The following TYW1 variants were observed in gnomAD, a reference collection of about 807,000 sequenced individuals.
The protein encoded by TYW1 is S-adenosyl-L-methionine-dependent tRNA 4-demethylwyosine synthase TYW1.
In TYW1, 46 loss-of-function variants were observed where a neutral mutation model predicts 96.2. That is an observed-to-expected ratio of 0.48 (90% CI 0.38 to 0.61). The LOEUF is 0.61. Among genes scored for constraint, TYW1 ranks in the 20% least tolerant of loss-of-function variants. The pLI is 0.00. For missense variants in TYW1, 684 were observed against 909.6 expected (o/e 0.75, Z 3.19); for synonymous variants, 274 against 323.0 (o/e 0.85, Z 1.63).
In TYW1 at chr7:67,185,436, C is replaced by T. The variant is rs2090946; in HGVS notation, c.1809+2200C>T. On this transcript the variant is annotated intron_variant, in intron 14 of 15. Transcript: ENST00000359626. ...GTCAGTGGGACTAGGGCCGGAGAGC[C>T]GTGGGTACATTTAGGATTCCTTTTG... 1.5e-4 allele frequency among the ~76,000 whole-genome samples: 22 copies of T among 151,278 alleles called. No individual in the cohort carries two copies. The East Asian group carries it at 3.5e-3, about 24-fold the overall frequency.
At chr7:67,085,927 A>T (rs1281496102) in intron 11 of TYW1, among the ~76,000 whole-genome samples, 3 of 151,286 alleles carry the variant, frequency 2.0e-5, no homozygotes, top group Non-Finnish European at 1.5e-5. Context: ...CTGAGTTCAC[A>T]CTCCACTGGA....
chr7:67,063,633 TCG>T (rs1795764477), intron 9 of TYW1, among the ~76,000 whole-genome samples: 1 of 151,766 alleles, frequency 6.6e-6, no homozygotes, highest in Admixed American at 6.6e-5. Flanking sequence ...AGGCGGAGTC[TCG>T]CTCTGTCACC....
Position 67,058,180 on chromosome 7 carries a change from C to T in TYW1, c.1155+2293C>T, listed in dbSNP as rs545097185. 5.9e-5 allele frequency among the ~76,000 whole-genome samples: 9 copies of T among 152,320 alleles called. No individual in the cohort carries two copies. The East Asian group carries it at 1.7e-3, about 29-fold the overall frequency. On this transcript the variant is annotated intron_variant, in intron 9 of 15. Coordinates refer to ENST00000359626, the MANE Select transcript of TYW1 (RefSeq NM_018264.4). ...CAATCTCCTGACCTCGTGATCTACC[C>T]GCCTTGGCCTCCCAAAGTGCTGAGG...
chr7:67,151,598 A>C (rs1798801376), intron 13 of TYW1, among the ~76,000 whole-genome samples: 1 of 152,180 alleles, frequency 6.6e-6, no homozygotes, highest in South Asian at 2.1e-4. Context: ...ATCTACAAGC[A>C]GTAGCAGGAT....
At chr7:67,101,699 T>C (rs1175758236) in intron 12 of TYW1, among the ~76,000 whole-genome samples, 2 of 152,042 alleles carry the variant, frequency 1.3e-5, no homozygotes, top group African/African-American at 2.4e-5. Flanking sequence ...GGTTTCACCA[T>C]GTTGGTCAGG....
chr7:67,196,097 T>G (rs923333463), intron 15 of TYW1, among the ~76,000 whole-genome samples: 16 of 152,092 alleles, frequency 1.1e-4, no homozygotes, highest in African/African-American at 3.6e-4. Flanking sequence ...TGTCTCTCCA[T>G]CTCTCCATAT....
chr7:67,001,378 C>T (rs1793382318), intron 3 of TYW1, among the ~76,000 whole-genome samples: 1 of 151,238 alleles, frequency 6.6e-6, no homozygotes, highest in Non-Finnish European at 1.5e-5. Flanking sequence ...TAAAGCTGCG[C>T]CATCTGAATT....
chr7:67,019,830 A>T (rs1242613698), intron 6 of TYW1, among the ~76,000 whole-genome samples: 1 of 152,284 alleles, frequency 6.6e-6, no homozygotes, highest in Non-Finnish European at 1.5e-5. Context: ...AATATTGATT[A>T]GTGATTAGCT....
At chr7:67,153,310 G>A (rs1798859978) in intron 13 of TYW1, among the ~76,000 whole-genome samples, 1 of 152,162 alleles carries the variant, frequency 6.6e-6, no homozygotes, top group African/African-American at 2.4e-5. Flanking sequence ...ACACAAATTA[G>A]CTGGGTGTTG....
intron 11 of TYW1, among the ~76,000 whole-genome samples, chr7:67,090,460 C>T (rs1351442017): frequency 6.6e-6 from 1 of 152,138 alleles, no homozygotes; most frequent in Non-Finnish European, 1.5e-5. Context: ...ATTTTCGGAT[C>T]TTAAGTTCTG....
chr7:67,000,195 T>A (rs1415641982), intron 3 of TYW1, among the ~76,000 whole-genome samples: 5 of 152,122 alleles, frequency 3.3e-5, no homozygotes, highest in African/African-American at 9.7e-5. Flanking sequence ...CTCGGCCTCC[T>A]AAAGTGTTGG....
At chr7:67,150,456 TACA>T (rs1377189346) in intron 13 of TYW1, among the ~76,000 whole-genome samples, 1 of 152,238 alleles carries the variant, frequency 6.6e-6, no homozygotes, top group Non-Finnish European at 1.5e-5. Flanking sequence ...GATTATATCC[TACA>T]ACATCTGTGT....
intron 10 of TYW1, among the ~76,000 whole-genome samples, chr7:67,076,324 TA>T (rs1263022414): frequency 6.6e-6 from 1 of 152,136 alleles, no homozygotes; most frequent in Non-Finnish European, 1.5e-5. Context: ...CTGCAGAAAG[TA>T]AAAAAATGGC....
intron 13 of TYW1, among the ~76,000 whole-genome samples, chr7:67,143,541 C>T (rs561316280): frequency 5.3e-5 from 8 of 152,208 alleles, no homozygotes; most frequent in Non-Finnish European, 1.2e-4. Context: ...AAAGAGCCTT[C>T]CTGTTTGCGG....
chr7:66,998,448 A>G (rs1202383174), intron 2 of TYW1, among the ~76,000 whole-genome samples: 1 of 152,230 alleles, frequency 6.6e-6, no homozygotes, highest in African/African-American at 2.4e-5. Flanking sequence ...TGAACCTTTT[A>G]TATGAAAAAC....
intron 13 of TYW1, among the ~76,000 whole-genome samples, chr7:67,147,499 C>T (rs548149995): frequency 3.0e-4 from 46 of 151,970 alleles, no homozygotes; most frequent in Non-Finnish European, 5.4e-4. Context: ...CATGGGAGTT[C>T]GTTGTACAGA....
chr7:67,175,916 T>C (rs1799658881), intron 13 of TYW1, among the ~76,000 whole-genome samples: 1 of 152,186 alleles, frequency 6.6e-6, no homozygotes, highest in Non-Finnish European at 1.5e-5. Context: ...TTCTGGCTAG[T>C]GCTAAAAGAC....
At chr7:67,158,643 C>T (rs1243373755) in intron 13 of TYW1, among the ~76,000 whole-genome samples, 2 of 152,116 alleles carry the variant, frequency 1.3e-5, no homozygotes, top group East Asian at 3.9e-4. Flanking sequence ...GATCTTGGCT[C>T]ACTGCAAGCT....
At chr7:67,105,928 G>A (rs893541586) in intron 12 of TYW1, among the ~76,000 whole-genome samples, 9 of 119,694 alleles carry the variant, frequency 7.5e-5, no homozygotes, top group East Asian at 2.5e-4. Context: ...GAGGAGTTTC[G>A]CTCTTGTTGC....
Sources: allele counts gnomAD v4.1 joint callset (sites outside exome capture counted in the v4.1 genomes callset), GRCh38; gene constraint gnomAD v4.1.1; transcripts MANE v1.5; gene names NCBI Gene and HGNC (gene_info 2026-07-23, HGNC 2026-07-21).